Variants in YEATS4 observed in about 807,000 individuals in gnomAD.
YEATS4 encodes YEATS domain-containing protein 4.
YEATS4 carries 17 observed loss-of-function variants against 30.1 expected under a neutral mutation model. The observed-to-expected ratio is 0.56, with a 90% CI of 0.39 to 0.85. The LOEUF (loss-of-function observed/expected upper bound fraction) is 0.85, where lower values mean the gene tolerates loss of function less well. Ranked by LOEUF, YEATS4 falls within the 40% of genes least tolerant of loss-of-function variation. The probability of loss-of-function intolerance (pLI) is 0.00; values close to 1 mark genes in which losing one functional copy is unlikely to be tolerated. For missense variants in YEATS4, 142 were observed against 268.3 expected (o/e 0.53, Z 3.29); for synonymous variants, 85 against 87.5 (o/e 0.97, Z 0.16).
At chr12:69,390,088 T>TTAATA in intron 6 of YEATS4, 59 bp from the exon 7 acceptor site, 1 of 1,356,892 alleles carries the variant, frequency 7.4e-7, no homozygotes, top group Non-Finnish European at 9.9e-7. Context: ...TTTATTACCC[T>TTAATA]GTCATATATC....
the YEATS4 span, among the ~76,000 whole-genome samples, chr12:69,414,828 T>C: frequency 0.013 from 1,948 of 152,320 alleles, 47 homozygotes; most frequent in African/African-American, 0.044. Flanking sequence ...ATGTCGTTGA[T>C]TGCTCATCAG....
chr12:69,399,915 C>G, the YEATS4 span, among the ~76,000 whole-genome samples: 1 of 152,088 alleles, frequency 6.6e-6, no homozygotes, highest in African/African-American at 2.4e-5. Flanking sequence ...TATGAAACAT[C>G]CAGAATAGGT....
the YEATS4 span, among the ~76,000 whole-genome samples, chr12:69,398,873 G>A: frequency 4.6e-5 from 7 of 151,064 alleles, no homozygotes; most frequent in Non-Finnish European, 7.4e-5. Context: ...TGCTTTGGCC[G>A]GGTGTGGTGG....
intron 6 of YEATS4, among the ~76,000 whole-genome samples, chr12:69,374,524 G>A (rs2120979509): frequency 6.6e-6 from 1 of 152,038 alleles, no homozygotes; most frequent in East Asian, 1.9e-4. Flanking sequence ...GTGAACAAAG[G>A]TCTCTGGTTT....
At chr12:69,417,609 T>C in the YEATS4 span, among the ~76,000 whole-genome samples, 1 of 152,176 alleles carries the variant, frequency 6.6e-6, no homozygotes, top group Non-Finnish European at 1.5e-5. Context: ...GAAGTCTAAT[T>C]ATTTGTGTTC....
chr12:69,378,964 C>T lies in YEATS4; in HGVS notation c.514+7989C>T, dbSNP rs575057462. On this transcript the variant is annotated intron_variant, in intron 6 of 6. Coordinates refer to ENST00000247843, the MANE Select transcript of YEATS4 (RefSeq NM_006530.4). The stretch of plus-strand genomic sequence containing the variant: ...AGGGCAGCTCTGGTGTTGATGAAAT[C>T]TCTCAGCTTTTGTTTGGGAAAGCAT... Among the ~76,000 whole-genome samples the T allele has an allele frequency of 2.6e-5, 4 of 152,312 alleles. No individual in the cohort carries two copies. The South Asian group carries it at 6.2e-4, about 24-fold the overall frequency.
At chr12:69,407,547 C>T in the YEATS4 span, among the ~76,000 whole-genome samples, 1 of 151,954 alleles carries the variant, frequency 6.6e-6, no homozygotes, top group Non-Finnish European at 1.5e-5. Flanking sequence ...CTGTGAAGTC[C>T]TGCAGTGTTG....
chr12:69,365,584 C>T (rs1282358052), intron 2 of YEATS4, 49 bp from the exon 3 acceptor site: 8 of 1,349,970 alleles, frequency 5.9e-6, no homozygotes, highest in African/African-American at 4.4e-5. Flanking sequence ...ATTTTTTTTC[C>T]TAGTTTTCAT....
intron 1 of YEATS4, 136 bp downstream of exon 1, chr12:69,360,159 G>A: frequency 1.0e-6 from 1 of 980,362 alleles, no homozygotes; most frequent in Non-Finnish European, 1.4e-6. Flanking sequence ...AGGTTGGAGA[G>A]CGAGTCAGAG....
At chr12:69,402,204 C>T in the YEATS4 span, among the ~76,000 whole-genome samples, 4 of 152,184 alleles carry the variant, frequency 2.6e-5, no homozygotes, top group Admixed American at 1.3e-4. Context: ...CTTTTCCTCT[C>T]TCTATTCTAG....
At chr12:69,367,157 G>A (rs1445726986) in intron 4 of YEATS4, among the ~76,000 whole-genome samples, 2 of 152,106 alleles carry the variant, frequency 1.3e-5, no homozygotes, top group Non-Finnish European at 2.9e-5. Context: ...TCAAGGTTGG[G>A]GTAGTTTTAG....
chr12:69,397,070 C>T, the YEATS4 span, among the ~76,000 whole-genome samples: 134 of 152,228 alleles, frequency 8.8e-4, no homozygotes, highest in Middle Eastern at 3.4e-3. Context: ...TAATGCTGGC[C>T]ATCTGCTAAA....
chr12:69,371,000 T>G, intron 6 of YEATS4, 25 bp downstream of exon 6: 3 of 1,591,858 alleles, frequency 1.9e-6, no homozygotes, highest in Non-Finnish European at 2.6e-6. Flanking sequence ...TTCATAATTC[T>G]GAAAAATAAC....
chr12:69,412,354 T>C, the YEATS4 span, among the ~76,000 whole-genome samples: 1 of 152,024 alleles, frequency 6.6e-6, no homozygotes, highest in Admixed American at 6.6e-5. Flanking sequence ...ATTGTCCCCA[T>C]TTAAAGGTGA....
At chr12:69,385,748 TA>T (rs1876247540) in intron 6 of YEATS4, among the ~76,000 whole-genome samples, 1 of 152,180 alleles carries the variant, frequency 6.6e-6, no homozygotes, top group Non-Finnish European at 1.5e-5. Flanking sequence ...CTTCAAGAAA[TA>T]GTAAAAATGA....
chr12:69,361,005 CTGGTCAACA>C (rs1482758408), intron 1 of YEATS4, among the ~76,000 whole-genome samples: 2 of 151,472 alleles, frequency 1.3e-5, no homozygotes, highest in Admixed American at 1.3e-4. Context: ...CAAGACCAGG[CTGGTCAACA>C]TGGTGAAACC....
chr12:69,395,629 G>A (rs372037909), downstream of YEATS4, among the ~76,000 whole-genome samples: 10 of 152,256 alleles, frequency 6.6e-5, no homozygotes, highest in Middle Eastern at 3.4e-3. Context: ...TATTTCATTT[G>A]AGTGAAAGAG....
At chr12:69,375,038 G>A (rs191609331) in intron 6 of YEATS4, among the ~76,000 whole-genome samples, 3,679 of 150,492 alleles carry the variant, frequency 0.024, 141 homozygotes, top group African/African-American at 0.084. Context: ...GCAGCTGGCC[G>A]GGCGGGGGCT....
the YEATS4 span, among the ~76,000 whole-genome samples, chr12:69,418,592 G>A: frequency 6.6e-6 from 1 of 152,164 alleles, no homozygotes; most frequent in African/African-American, 2.4e-5. Flanking sequence ...ATGTGTTGGA[G>A]GGAGTCAACA....
Sources: allele counts gnomAD v4.1 joint callset (sites outside exome capture counted in the v4.1 genomes callset), GRCh38; gene constraint gnomAD v4.1.1; transcripts MANE v1.5; gene names NCBI Gene and HGNC (gene_info 2026-07-23, HGNC 2026-07-21).